Variants in CFI observed in about 807,000 individuals in gnomAD.
CFI encodes the protein C3B/C4B inactivator.
CFI carries 66 observed loss-of-function variants against 78.8 expected under a neutral mutation model. The ratio of observed to expected loss-of-function variants is 0.84; its 90% confidence interval spans 0.69 to 1.03. CFI has a LOEUF of 1.03. CFI is among the 50% of genes least tolerant of loss of function. CFI has a pLI of 0.00. For synonymous variants in CFI, 250 were observed against 232.6 expected (o/e 1.07, Z -0.68); for missense variants, 706 against 704.5 (o/e 1.00, Z -0.02).
Position 109,795,747 on chromosome 4 carries a change from C to A in CFI, c.57+6168G>T, listed in dbSNP as rs182876367. ...AAAATTCAGTAGAGAGCTCATACAC[C>A]ATACTTAGTCAAACAGAAGAGAGAA... On this transcript the variant is annotated intron_variant, in intron 1 of 12. Coordinates refer to ENST00000394634, the MANE Select transcript of CFI (RefSeq NM_000204.5). Among the ~76,000 whole-genome samples the A allele has an allele frequency of 1.2e-3, 185 of 152,064 alleles. 1 individual carries two copies. The highest frequency in any genetic ancestry group is 2.0e-3 in the Non-Finnish European group (137 of 67,970).
intron 1 of CFI, among the ~76,000 whole-genome samples, chr4:109,772,374 T>C (rs1052092731): frequency 6.6e-6 from 1 of 152,254 alleles, no homozygotes; most frequent in Admixed American, 6.5e-5. Context: ...AGACAAAATA[T>C]AAACGATGTG....
At chr4:109,751,125 G>C (rs1277024605) in intron 8 of CFI, among the ~76,000 whole-genome samples, 1 of 152,088 alleles carries the variant, frequency 6.6e-6, no homozygotes, top group Non-Finnish European at 1.5e-5. Context: ...CTAAGGAACT[G>C]GACATGTCAG....
downstream of CFI, among the ~76,000 whole-genome samples, chr4:109,736,363 T>C (rs899771885): frequency 5.7e-4 from 87 of 152,236 alleles, no homozygotes; most frequent in Non-Finnish European, 7.5e-4. Context: ...TTTATTTTTC[T>C]TTATTTCTTT....
At chr4:109,773,864 C>G (rs759895124) in intron 1 of CFI, among the ~76,000 whole-genome samples, 3 of 152,168 alleles carry the variant, frequency 2.0e-5, no homozygotes, top group African/African-American at 7.2e-5. Context: ...CCTTCTTAAT[C>G]GGAATCTCTG....
chr4:109,757,525 G>A (rs1032522214), intron 7 of CFI, among the ~76,000 whole-genome samples: 1 of 152,162 alleles, frequency 6.6e-6, no homozygotes, highest in African/African-American at 2.4e-5. Context: ...GGTGAAATGT[G>A]CAGGGAAGAG....
intron 10 of CFI, among the ~76,000 whole-genome samples, chr4:109,748,213 T>A (rs1724714872): frequency 6.6e-6 from 1 of 152,180 alleles, no homozygotes; most frequent in Non-Finnish European, 1.5e-5. Context: ...TTCATATTAA[T>A]TTTGATTGTT....
At chr4:109,738,203 C>T (rs1394779832), downstream of CFI, among the ~76,000 whole-genome samples, 3 of 151,558 alleles carry the variant, frequency 2.0e-5, no homozygotes, top group Non-Finnish European at 2.9e-5. Context: ...CATCCTCAAC[C>T]TCCTGGGCTC....
intron 2 of CFI, among the ~76,000 whole-genome samples, chr4:109,765,776 TG>T (rs35298521): frequency 0.31 from 46,438 of 151,396 alleles, 7,412 homozygotes; most frequent in Middle Eastern, 0.4. Flanking sequence ...TTAGGAACAA[TG>T]GGGTCAGGGC....
chr4:109,798,787 G>T (rs1732393774), intron 1 of CFI, among the ~76,000 whole-genome samples: 1 of 151,146 alleles, frequency 6.6e-6, no homozygotes, highest in South Asian at 2.1e-4. Flanking sequence ...AACTACTTTT[G>T]GCAAGTCTAT....
chr4:109,776,294 A>C (rs1729228701), intron 1 of CFI, among the ~76,000 whole-genome samples: 1 of 152,240 alleles, frequency 6.6e-6, no homozygotes, highest in Non-Finnish European at 1.5e-5. Flanking sequence ...GATGGAGCTG[A>C]AAACCATGGC....
chr4:109,782,444 A>AAT (rs1560560213), intron 1 of CFI, among the ~76,000 whole-genome samples: 1 of 151,516 alleles, frequency 6.6e-6, no homozygotes, highest in Non-Finnish European at 1.5e-5. Flanking sequence ...AAAAAAAAAA[A>AAT]ATACTTAGGA....
rs146377640 is a variant in CFI at position 109,745,326 on chromosome 4, G to C, written c.1429+896C>G. Among the ~76,000 whole-genome samples, 276 of 152,066 alleles carry C rather than the reference G, an allele frequency of 1.8e-3. 2 individuals carry two copies. Among genetic ancestry groups the C allele is most frequent in the African/African-American group, 6.2e-3 (259 of 41,506 alleles). On this transcript the variant is annotated intron_variant, in intron 11 of 12. Coordinates refer to ENST00000394634, the MANE Select transcript of CFI (RefSeq NM_000204.5). The stretch of plus-strand genomic sequence containing the variant: ...GCCCCCCTCAACCTCCAGGAGCTGG[G>C]ACTACAGGTACACACCATCACATCC...
intron 1 of CFI, among the ~76,000 whole-genome samples, chr4:109,772,215 C>T (rs562165984): frequency 9.2e-5 from 14 of 152,276 alleles, no homozygotes; most frequent in Admixed American, 2.0e-4. Context: ...CTGTCTAAAA[C>T]GTGATGACAG....
intron 12 of CFI, chr4:109,741,358 C>T (rs1038765026): frequency 1.0e-6 from 1 of 985,292 alleles, no homozygotes; most frequent in African/African-American, 1.7e-5. Flanking sequence ...CTTTATACGA[C>T]TGAGTACTGA....
At chr4:109,759,513 A>G (rs910694464) in intron 6 of CFI, among the ~76,000 whole-genome samples, 1 of 152,216 alleles carries the variant, frequency 6.6e-6, no homozygotes, top group Admixed American at 6.5e-5. Context: ...TTTTAGATAT[A>G]CAAATGAGAG....
intron 11 of CFI, among the ~76,000 whole-genome samples, chr4:109,743,278 T>G (rs945541526): frequency 6.6e-6 from 1 of 152,178 alleles, no homozygotes; most frequent in African/African-American, 2.4e-5. Context: ...GAACAAGAGC[T>G]TTTTTAAAAA....
intron 1 of CFI, among the ~76,000 whole-genome samples, chr4:109,785,854 C>T (rs374477189): frequency 1.1e-4 from 17 of 152,098 alleles, no homozygotes; most frequent in African/African-American, 4.1e-4. Context: ...TTCCTCCTGC[C>T]GCTTTGTGAG....
In CFI at chr4:109,766,741, G is replaced by A; in HGVS notation, c.141C>T (p.Phe47=). The part of the protein sequence containing the change: ...KYTHLSCDKV[F]CQPWQRCIEG... ...CAATGCATCTCTGCCATGGCTGGCA[G>A]AAGACTTTATCGCAGGAGAGGTGAG... The change falls in exon 2 of 13, where the codon TTC becomes TTT. Residue 47 remains phenylalanine, a synonymous_variant. Coordinates refer to ENST00000394634, the MANE Select transcript of CFI (RefSeq NM_000204.5). 2 of 1,614,234 alleles carry A rather than the reference G, an allele frequency of 1.2e-6. No individual in the cohort carries two copies. The highest frequency in any genetic ancestry group is 1.7e-6 in the Non-Finnish European group (2 of 1,180,040).
At chr4:109,776,296 A>G (rs974296365) in intron 1 of CFI, among the ~76,000 whole-genome samples, 7 of 152,248 alleles carry the variant, frequency 4.6e-5, no homozygotes, top group Non-Finnish European at 1.0e-4. Context: ...TGGAGCTGAA[A>G]ACCATGGCAC....
Sources: allele counts gnomAD v4.1 joint callset (sites outside exome capture counted in the v4.1 genomes callset), GRCh38; gene constraint gnomAD v4.1.1; transcripts MANE v1.5; gene names NCBI Gene and HGNC (gene_info 2026-07-23, HGNC 2026-07-21).